The following MYCBP2 variants were observed in gnomAD, a reference collection of about 807,000 sequenced individuals.
MYCBP2 encodes E3 ubiquitin-protein ligase MYCBP2.
MYCBP2 carries 120 observed loss-of-function variants against 525.3 expected under a neutral mutation model. That is an observed-to-expected ratio of 0.23 (90% CI 0.20 to 0.27). MYCBP2 has a LOEUF of 0.27. Among genes scored for constraint, MYCBP2 ranks in the 10% least tolerant of loss-of-function variants. MYCBP2 has a pLI of 1.00. For synonymous variants in MYCBP2, 1,894 were observed against 1,955.8 expected, an observed-to-expected ratio of 0.97 and a Z score of 0.83; for missense variants, 4,149 against 5,657.1, an observed-to-expected ratio of 0.73 and a Z score of 8.55.
chr13:77,162,179 C>G (rs752128334), intron 43 of MYCBP2, among the ~76,000 whole-genome samples: 18 of 152,104 alleles, frequency 1.2e-4, no homozygotes, highest in Non-Finnish European at 2.5e-4. Flanking sequence ...CAAGAAGCAT[C>G]CATGGGTGAT....
Position 77,081,397 on chromosome 13 carries a change from A to G in MYCBP2, c.11418+30T>C, listed in dbSNP as rs1000456937. 8.2e-6 allele frequency: 13 copies of G among 1,583,018 alleles called. No individual in the cohort carries two copies. In the African/African-American group the frequency reaches 1.3e-4, roughly 16 times the overall value. On this transcript the variant is annotated intron_variant, in intron 65 of 82. Transcript: ENST00000544440. The surrounding 1 kb of genome is among the most constrained non-coding windows in gnomAD (Gnocchi z 4.6). ...GAATACTAAGATCTGAAAAGAGCTA[A>G]AGAGCCGTAAATCACGTTTGCTTTC...
chr13:77,193,231 A>C (rs1184017998), intron 27 of MYCBP2, among the ~76,000 whole-genome samples: 1 of 152,190 alleles, frequency 6.6e-6, no homozygotes, highest in Non-Finnish European at 1.5e-5. Context: ...TAGCTTTCTT[A>C]AAATTTTCCC....
chr13:77,072,507 A>C (rs958926437), intron 68 of MYCBP2, among the ~76,000 whole-genome samples: 2 of 152,126 alleles, frequency 1.3e-5, no homozygotes, highest in African/African-American at 4.8e-5. Flanking sequence ...AGTCAGAAAA[A>C]GATGAACAAA....
chr13:77,111,588 T>G (rs2048834066), intron 55 of MYCBP2, among the ~76,000 whole-genome samples: 1 of 151,854 alleles, frequency 6.6e-6, no homozygotes, highest in South Asian at 2.1e-4. Context: ...GGCTAATTTT[T>G]TTTTTTTTTC....
chr13:77,070,727 GAAAAAAA>G lies in MYCBP2; in HGVS notation c.11824-23_11824-17del. 9.1e-7 allele frequency: 1 copy of G among 1,093,982 alleles called. No homozygotes were observed. 67.8% of individuals were successfully genotyped at this position (1,093,982 alleles called of 1,614,324 possible). A position where few individuals can be genotyped will look rare whatever the true frequency, so the allele number is the denominator to read the frequency against. On this transcript the variant is annotated splice_polypyrimidine_tract_variant and intron_variant, in intron 68 of 82. Coordinates refer to ENST00000544440, the MANE Select transcript of MYCBP2 (RefSeq NM_015057.5). ...CTGATGTTGCCTTTACATAGAAAAA[GAAAAAAA>G]AAAAAAAGAATGAAGTGGTCTCTTT... is the stretch of plus-strand genomic sequence containing the variant.
chr13:77,084,397 T>C (rs938538419), intron 62 of MYCBP2, among the ~76,000 whole-genome samples: 4 of 152,206 alleles, frequency 2.6e-5, no homozygotes, highest in African/African-American at 9.6e-5. Flanking sequence ...ATATATTGAT[T>C]ACTGATATAG....
chr13:77,209,553 C>A (rs2063732101), intron 23 of MYCBP2, among the ~76,000 whole-genome samples: 1 of 152,198 alleles, frequency 6.6e-6, no homozygotes, highest in Non-Finnish European at 1.5e-5. Flanking sequence ...ATCTTTACAT[C>A]TTTTCTCCTC....
Position 77,133,501 on chromosome 13 carries a change from T to C in MYCBP2, c.7659+5695A>G, listed in dbSNP as rs570825859. Among the ~76,000 whole-genome samples, 8 of 152,288 alleles carry C rather than the reference T, an allele frequency of 5.3e-5. No individual in the cohort carries two copies. The South Asian group carries it at 1.7e-3, about 32-fold the overall frequency. Reference sequence around the variant, plus strand: ...GTGAGAAGGGATCCTGAATGAGTCCTTATCCTTAAGTAGCTTAAAAACAGA... The same window carrying C: ...GTGAGAAGGGATCCTGAATGAGTCCCTATCCTTAAGTAGCTTAAAAACAGA... On this transcript the variant is annotated intron_variant, in intron 52 of 82. Coordinates refer to ENST00000544440, the MANE Select transcript of MYCBP2 (RefSeq NM_015057.5).
At chr13:77,099,085 T>C (rs1444789407) in intron 55 of MYCBP2, 72 bp from the exon 56 acceptor site, 4 of 1,555,472 alleles carry the variant, frequency 2.6e-6, no homozygotes, top group Non-Finnish European at 3.5e-6. Flanking sequence ...CACTAAACAC[T>C]GAAATAAAAA....
intron 28 of MYCBP2, among the ~76,000 whole-genome samples, chr13:77,190,691 C>G (rs1434329635): frequency 6.6e-6 from 1 of 151,940 alleles, no homozygotes; most frequent in Non-Finnish European, 1.5e-5. Context: ...CATGACATTC[C>G]AAGTCTGAAT....
chr13:77,087,523 C>T lies in MYCBP2; in HGVS notation c.10836G>A (p.Glu3612=), dbSNP rs371370595. Reference sequence around the variant, plus strand: ...CTTTGCTTGTTTTATTTTCTTCATCCTCTTCTTCCTCTGGTTCCACTGGTG... The same window carrying T: ...CTTTGCTTGTTTTATTTTCTTCATCTTCTTCTTCCTCTGGTTCCACTGGTG... ...TPAPVEPEEE[E]DEENKTSKEN... The change falls in exon 62 of 83, where the codon GAG becomes GAA. Residue 3612 remains glutamate (E), a synonymous_variant. Transcript: ENST00000544440. 55 of 1,612,682 alleles carry T rather than the reference C, an allele frequency of 3.4e-5. No individual in the cohort carries two copies. In the African/African-American group the frequency reaches 4.9e-4, roughly 15 times the overall value.
At chr13:77,198,686 A>G (rs1413034398) in intron 26 of MYCBP2, among the ~76,000 whole-genome samples, 1 of 152,234 alleles carries the variant, frequency 6.6e-6, no homozygotes, top group Non-Finnish European at 1.5e-5. Context: ...GTGTGGTAAC[A>G]TATGACTCTC....
rs778214846 is a variant in MYCBP2, at chr13:77,158,082, C to T, written c.6625G>A (p.Gly2209Arg). ...GAATGAGAAAGAGCTAGACCCTTTCCAAGAATTCCAGAATGGGTTTTGCAC... is the reference window on the plus strand; with the variant it reads ...GAATGAGAAAGAGCTAGACCCTTTCTAAGAATTCCAGAATGGGTTTTGCAC... ...QVCKTHSGIL[G>R]KGLALSHSPT... Residue 2209 changes from glycine to arginine, a missense_variant, in exon 45 of 83, where the codon GGA becomes AGA. By Grantham distance (125) the Gly-to-Arg change is moderately radical. Coordinates refer to ENST00000544440, the MANE Select transcript of MYCBP2 (RefSeq NM_015057.5). 11 of 1,595,500 alleles carry T rather than the reference C, an allele frequency of 6.9e-6. No individual in the cohort carries two copies. Among genetic ancestry groups the T allele is most frequent in the South Asian group, 1.2e-5 (1 of 86,230 alleles).
At chr13:77,114,341 CAAT>C (rs1259472576) in intron 55 of MYCBP2, among the ~76,000 whole-genome samples, 2 of 151,868 alleles carry the variant, frequency 1.3e-5, no homozygotes. Context: ...CATCAAAAGG[CAAT>C]AATAACATCA....
rs2046553204 is a variant in MYCBP2, at chr13:77,098,402, C to T, written c.8752G>A (p.Ala2918Thr). ...TCCTGTACCACATGGGGAGAGGGAGCTCTATTTTCAGATCCAGGGGAATCT... is the reference window on the plus strand; with the variant it reads ...TCCTGTACCACATGGGGAGAGGGAGTTCTATTTTCAGATCCAGGGGAATCT... ...STDSPGSENR[A>T]PSPHVVQENL... The change falls in exon 56 of 83, where the codon GCT becomes ACT. Residue 2918 changes from alanine to threonine, a missense_variant. Ala to Thr is a moderately conservative substitution (Grantham distance 58). Around this residue, in one of 21 missense-constraint regions of MYCBP2, gnomAD observed 653 missense variants for 744.7 expected, o/e 0.88. Transcript: ENST00000544440. 6.2e-7 allele frequency: 1 copy of T among 1,613,552 alleles called. No individual in the cohort carries two copies. The highest frequency in any genetic ancestry group is 8.5e-7 in the Non-Finnish European group (1 of 1,179,772).
chr13:77,186,651 A>C (rs1216679214), intron 30 of MYCBP2, among the ~76,000 whole-genome samples: 1 of 152,090 alleles, frequency 6.6e-6, no homozygotes. Flanking sequence ...CTAGCATATG[A>C]GTTTAAGATG....
At chr13:77,221,776 C>A (rs1309952719) in intron 20 of MYCBP2, among the ~76,000 whole-genome samples, 1 of 152,120 alleles carries the variant, frequency 6.6e-6, no homozygotes, top group Non-Finnish European at 1.5e-5. Context: ...AAAGTTGCCA[C>A]GTTCTTCCCC....
chr13:77,297,904 A>T (rs1224178404), intron 1 of MYCBP2, among the ~76,000 whole-genome samples: 1 of 152,216 alleles, frequency 6.6e-6, no homozygotes, highest in African/African-American at 2.4e-5. Flanking sequence ...TACCTGGACC[A>T]CTGCAAAAGC....
intron 35 of MYCBP2, 87 bp from the exon 36 acceptor site, chr13:77,176,715 A>C: frequency 9.2e-7 from 1 of 1,084,488 alleles, no homozygotes; most frequent in Non-Finnish European, 1.2e-6. Context: ...ATTATTTTTA[A>C]AATTTATTTT....
Sources: gnomAD v4.1 joint callset for allele counts (sites outside exome capture counted in the v4.1 genomes callset) on GRCh38, gnomAD v4.1.1 for gene constraint, gnomAD v4.1.1 regional missense constraint, Gnocchi (gnomAD v3.1) non-coding constraint, MANE v1.5 for transcripts, NCBI Gene and HGNC (gene_info 2026-07-23, HGNC 2026-07-21) for gene names.